The following RIMS2 variants were observed in gnomAD, a reference collection of about 807,000 sequenced individuals.
RIMS2 encodes regulating synaptic membrane exocytosis protein 2.
RIMS2 carries 59 observed loss-of-function variants against 174.4 expected under a neutral mutation model. The observed-to-expected ratio is 0.34, with a 90% CI of 0.27 to 0.42. The LOEUF (loss-of-function observed/expected upper bound fraction) is 0.42, where lower values mean the gene tolerates loss of function less well. Among genes scored for constraint, RIMS2 ranks in the 10% least tolerant of loss-of-function variants. The pLI is 1.00. For synonymous variants in RIMS2, 606 were observed against 572.5 expected (o/e 1.06, Z -0.84); for missense variants, 1,620 against 1,666.3 (o/e 0.97, Z 0.48).
intron 1 of RIMS2, among the ~76,000 whole-genome samples, chr8:103,549,570 C>A (rs1846697603): frequency 6.6e-6 from 1 of 152,132 alleles, no homozygotes; most frequent in Admixed American, 6.5e-5. Context: ...AACTAATGAG[C>A]AAAATAATCA....
At chr8:103,818,641 G>A (rs1432874057) in intron 3 of RIMS2, among the ~76,000 whole-genome samples, 2 of 152,114 alleles carry the variant, frequency 1.3e-5, no homozygotes, top group African/African-American at 4.8e-5. Context: ...AATGTGTGGT[G>A]TTTAGGTGAA....
chr8:104,004,352 A>T (rs73699051), intron 17 of RIMS2, among the ~76,000 whole-genome samples: 5,006 of 152,232 alleles, frequency 0.033, 291 homozygotes, highest in African/African-American at 0.11. Flanking sequence ...TCTGAGTGAC[A>T]TAAAGAATGA....
intron 2 of RIMS2, among the ~76,000 whole-genome samples, chr8:103,734,339 ATTTC>A (rs2097656171): frequency 7.5e-6 from 1 of 132,740 alleles, no homozygotes; most frequent in African/African-American, 2.8e-5. Context: ...TTTTTTTAAC[ATTTC>A]TTTTAGTGCA....
chr8:103,808,944 C>T (rs920238094), intron 3 of RIMS2, among the ~76,000 whole-genome samples: 1 of 152,138 alleles, frequency 6.6e-6, no homozygotes, highest in South Asian at 2.1e-4. Flanking sequence ...GAATCTTCTC[C>T]ATTCTGACTG....
chr8:103,956,032 A>C (rs1443046852), intron 14 of RIMS2, among the ~76,000 whole-genome samples: 1 of 152,204 alleles, frequency 6.6e-6, no homozygotes, highest in South Asian at 2.1e-4. Flanking sequence ...ATACGTAGGA[A>C]TCCAACTTAC....
intron 19 of RIMS2, among the ~76,000 whole-genome samples, chr8:104,220,586 A>ATTTATTTTAT (rs146296994): frequency 5.3e-5 from 8 of 151,856 alleles, no homozygotes; most frequent in African/African-American, 1.9e-4. Context: ...TCCCCAGCCA[A>ATTTATTTTAT]TTTATTTTAT....
intron 16 of RIMS2, among the ~76,000 whole-genome samples, chr8:103,979,355 C>G (rs531243959): frequency 6.6e-5 from 10 of 152,078 alleles, no homozygotes; most frequent in African/African-American, 1.9e-4. Context: ...AAAAGGGAAC[C>G]CTGGTACACT....
chr8:103,850,755 A>G (rs1564910059), intron 3 of RIMS2, among the ~76,000 whole-genome samples: 1 of 152,048 alleles, frequency 6.6e-6, no homozygotes, highest in East Asian at 1.9e-4. Flanking sequence ...TAAGTCATAT[A>G]TTTTTAATGT....
chr8:103,681,707 G>C (rs2096882599), intron 1 of RIMS2, among the ~76,000 whole-genome samples: 1 of 152,072 alleles, frequency 6.6e-6, no homozygotes, highest in Admixed American at 6.6e-5. Flanking sequence ...TATATCCAAG[G>C]TTTTATAGGT....
At chr8:103,580,861 GCT>G (rs1225098550) in intron 1 of RIMS2, among the ~76,000 whole-genome samples, 6 of 127,094 alleles carry the variant, frequency 4.7e-5, no homozygotes, top group African/African-American at 1.9e-4. Context: ...ACAGAGTCTC[GCT>G]CTGTCACCCA....
At chr8:103,567,500 CT>C (rs2092458243) in intron 1 of RIMS2, among the ~76,000 whole-genome samples, 2 of 152,062 alleles carry the variant, frequency 1.3e-5, no homozygotes, top group Non-Finnish European at 2.9e-5. Flanking sequence ...ATGTATAGTA[CT>C]TTTTGTTTTC....
intron 1 of RIMS2, among the ~76,000 whole-genome samples, chr8:103,693,590 G>T (rs2097059554): frequency 6.6e-6 from 1 of 152,194 alleles, no homozygotes; most frequent in Non-Finnish European, 1.5e-5. Flanking sequence ...AGTCTGTTTA[G>T]ATTGTCTTTG....
chr8:103,916,503 C>A (rs760979757), exon 8 of RIMS2: 1 of 1,611,418 alleles, frequency 6.2e-7, no homozygotes, highest in South Asian at 1.1e-5. Context: ...CAAACCTGAA[C>A]CACAAGTAGA....
chr8:103,794,864 G>A (rs562849954), intron 3 of RIMS2, among the ~76,000 whole-genome samples: 15 of 152,336 alleles, frequency 9.8e-5, no homozygotes, highest in Admixed American at 5.2e-4. Context: ...TCAGAGAAAT[G>A]CAAATCGAAA....
At chr8:103,684,199 G>T (rs758300721) in intron 1 of RIMS2, among the ~76,000 whole-genome samples, 12 of 151,932 alleles carry the variant, frequency 7.9e-5, no homozygotes, top group Non-Finnish European at 1.6e-4. Context: ...TCCCCAAGAG[G>T]TTTCTTGTGC....
intron 14 of RIMS2, among the ~76,000 whole-genome samples, chr8:103,948,070 CAAAT>C (rs1437104965): frequency 6.6e-6 from 1 of 152,032 alleles, no homozygotes; most frequent in Non-Finnish European, 1.5e-5. Flanking sequence ...ATATGGATCA[CAAAT>C]AAGGCCATGA....
chr8:103,801,410 A>G (rs1257413534), intron 3 of RIMS2, among the ~76,000 whole-genome samples: 1 of 152,220 alleles, frequency 6.6e-6, no homozygotes, highest in East Asian at 1.9e-4. Flanking sequence ...CATGGTAGCT[A>G]TATTTATTCT....
At chr8:103,543,503 A>G (rs1843488920) in intron 1 of RIMS2, among the ~76,000 whole-genome samples, 1 of 152,238 alleles carries the variant, frequency 6.6e-6, no homozygotes, top group Non-Finnish European at 1.5e-5. Flanking sequence ...CAGAAAAACA[A>G]TCCTAAAGAT....
At chr8:103,676,327 G>A (rs2096811297) in intron 1 of RIMS2, among the ~76,000 whole-genome samples, 1 of 152,106 alleles carries the variant, frequency 6.6e-6, no homozygotes, top group African/African-American at 2.4e-5. Flanking sequence ...TTGTTTCTTA[G>A]CTAAAATTAC....
Sources: gnomAD v4.1 joint callset for allele counts (sites outside exome capture counted in the v4.1 genomes callset) on GRCh38, gnomAD v4.1.1 for gene constraint, MANE v1.5 for transcripts, NCBI Gene and HGNC (gene_info 2026-07-23, HGNC 2026-07-21) for gene names.